Variants in CRPPA observed in about 807,000 individuals in gnomAD.
CRPPA encodes CDP-L-ribitol pyrophosphorylase A.
In CRPPA, 43 loss-of-function variants were observed where a neutral mutation model predicts 52.0. That is an observed-to-expected ratio of 0.83 (90% CI 0.65 to 1.07). The LOEUF is 1.07. CRPPA is among the 50% of genes least tolerant of loss of function. The pLI, the probability that CRPPA is intolerant of heterozygous loss-of-function variation, is 0.00. For missense variants in CRPPA, 629 were observed against 551.7 expected, an observed-to-expected ratio of 1.14 and a Z score of -1.40; for synonymous variants, 250 against 203.5, an observed-to-expected ratio of 1.23 and a Z score of -1.94.
At chr7:16,284,510 C>A (rs1784383042) in intron 5 of CRPPA, among the ~76,000 whole-genome samples, 1 of 152,036 alleles carries the variant, frequency 6.6e-6, no homozygotes, top group African/African-American at 2.4e-5. Flanking sequence ...TGATCAGTTT[C>A]TGACTTCAAA....
At chr7:16,157,884 AT>A (rs1291700760) in intron 9 of CRPPA, among the ~76,000 whole-genome samples, 1 of 134,062 alleles carries the variant, frequency 7.5e-6, no homozygotes, top group Admixed American at 7.3e-5. Flanking sequence ...TTTTTTTTTT[AT>A]TTTTTTTGAG....
chr7:16,197,064 A>C (rs1781754561), intron 9 of CRPPA, among the ~76,000 whole-genome samples: 1 of 152,022 alleles, frequency 6.6e-6, no homozygotes, highest in Non-Finnish European at 1.5e-5. Context: ...CAAACAGAAT[A>C]GGGTAAACAT....
intron 6 of CRPPA, among the ~76,000 whole-genome samples, chr7:16,266,644 A>G (rs1783962137): frequency 6.6e-6 from 1 of 151,718 alleles, no homozygotes; most frequent in Non-Finnish European, 1.5e-5. Context: ...ACGCCTGACT[A>G]ATTTTTGTAT....
At chr7:16,377,946 C>T (rs1786942606) in intron 2 of CRPPA, among the ~76,000 whole-genome samples, 1 of 152,112 alleles carries the variant, frequency 6.6e-6, no homozygotes, top group Non-Finnish European at 1.5e-5. Context: ...CCAGCTCACA[C>T]ATACGGCAGT....
chr7:16,170,407 T>C (rs771886617), intron 9 of CRPPA, among the ~76,000 whole-genome samples: 3 of 152,226 alleles, frequency 2.0e-5, no homozygotes, highest in Non-Finnish European at 4.4e-5. Context: ...CTAGAGTTTA[T>C]TCCTTCTGAT....
intron 5 of CRPPA, among the ~76,000 whole-genome samples, chr7:16,280,584 G>A (rs1251246262): frequency 3.3e-5 from 5 of 152,262 alleles, no homozygotes; most frequent in South Asian, 2.1e-4. Context: ...ATACAAAACA[G>A]CATATGTAGG....
At chr7:16,393,476 C>T (rs543988529) in intron 2 of CRPPA, among the ~76,000 whole-genome samples, 1 of 152,058 alleles carries the variant, frequency 6.6e-6, no homozygotes, top group East Asian at 1.9e-4. Context: ...CAGTGCAGGT[C>T]AGTGGAAAAG....
At position 16,089,248 on chromosome 7, in the gene CRPPA, ATG is replaced by A. The variant is rs754807188; in HGVS notation, c.*2445_*2446del. 5.7e-5 allele frequency: 21 copies of A among 366,164 alleles called. No homozygotes were observed. The highest frequency in any genetic ancestry group is 9.3e-5 in the Non-Finnish European group (16 of 172,920). 22.7% of individuals were successfully genotyped at this position (366,164 alleles called of 1,614,324 possible). On this transcript the variant is annotated 3_prime_UTR_variant, in exon 10 of 10. Coordinates refer to ENST00000407010, the MANE Select transcript of CRPPA (RefSeq NM_001101426.4). ...TGTGTATGCGTACGTATATACATATATGTGTGTATGCGTACGTATATACATAT... is the reference window on the plus strand; with the variant it reads ...TGTGTATGCGTACGTATATACATATATGTGTATGCGTACGTATATACATAT...
chr7:16,096,093 A>C (rs980118419), intron 9 of CRPPA, among the ~76,000 whole-genome samples: 1 of 152,206 alleles, frequency 6.6e-6, no homozygotes, highest in African/African-American at 2.4e-5. Flanking sequence ...GAATCCGACC[A>C]GCCCTAAGAA....
intron 9 of CRPPA, among the ~76,000 whole-genome samples, chr7:16,150,153 T>C (rs1192635970): frequency 1.3e-5 from 2 of 152,172 alleles, no homozygotes; most frequent in South Asian, 2.1e-4. Flanking sequence ...CTTTTATTCT[T>C]ATAATTGAAC....
chr7:16,400,123 C>T (rs954571704), intron 2 of CRPPA, among the ~76,000 whole-genome samples: 13 of 152,012 alleles, frequency 8.6e-5, no homozygotes, highest in African/African-American at 1.7e-4. Flanking sequence ...ATGACCAACA[C>T]GTGACCAACA....
chr7:16,362,312 G>T (rs924422504), intron 3 of CRPPA, among the ~76,000 whole-genome samples: 1 of 152,212 alleles, frequency 6.6e-6, no homozygotes, highest in Non-Finnish European at 1.5e-5. Context: ...TCTGGGGAAA[G>T]CATCTTCTCA....
intron 8 of CRPPA, among the ~76,000 whole-genome samples, chr7:16,244,998 T>G (rs1295164): frequency 0.61 from 93,234 of 151,700 alleles, 28,724 homozygotes; most frequent in East Asian, 0.67. Flanking sequence ...CACACTCCTT[T>G]TGACCATTCT....
intron 5 of CRPPA, among the ~76,000 whole-genome samples, chr7:16,283,522 T>C (rs1001374487): frequency 6.6e-6 from 1 of 150,724 alleles, no homozygotes; most frequent in Non-Finnish European, 1.5e-5. Context: ...ACTATCTATG[T>C]GTATATATAT....
Position 16,090,368 on chromosome 7 carries a change from A to C in CRPPA, c.*1327T>G, listed in dbSNP as rs1395161117. 1 of 152,046 alleles carries C rather than the reference A, an allele frequency of 6.6e-6. No homozygotes were observed. The highest frequency in any genetic ancestry group is 1.5e-5 in the Non-Finnish European group (1 of 68,004). The allele number at this position is 152,046 out of a possible 1,614,324, so 9.4% of individuals were successfully genotyped here. On this transcript the variant is annotated 3_prime_UTR_variant, in exon 10 of 10. Transcript: ENST00000407010. ...TGAAAACACTTCATGCAACTTTTATAGTTTCCACGTGCAGCCTAAGCCCTA... is the reference window on the plus strand; with the variant it reads ...TGAAAACACTTCATGCAACTTTTATCGTTTCCACGTGCAGCCTAAGCCCTA...
At chr7:16,284,412 A>C (rs976667810) in intron 5 of CRPPA, among the ~76,000 whole-genome samples, 3 of 152,156 alleles carry the variant, frequency 2.0e-5, no homozygotes, top group Admixed American at 6.5e-5. Flanking sequence ...GTACAAGAAA[A>C]CACCTAATAG....
chr7:16,201,139 T>G (rs558596812), intron 9 of CRPPA, among the ~76,000 whole-genome samples: 48 of 152,308 alleles, frequency 3.2e-4, no homozygotes, highest in African/African-American at 1.1e-3. Flanking sequence ...ACCATTTAGT[T>G]TGATTCAATT....
chr7:16,319,746 T>G (rs2128427096), intron 3 of CRPPA, among the ~76,000 whole-genome samples: 1 of 152,272 alleles, frequency 6.6e-6, no homozygotes, highest in African/African-American at 2.4e-5. Flanking sequence ...TGGTTGTTAG[T>G]CACTGTTTCT....
At chr7:16,114,886 A>G (rs1223099098) in intron 9 of CRPPA, among the ~76,000 whole-genome samples, 1 of 152,126 alleles carries the variant, frequency 6.6e-6, no homozygotes, top group Non-Finnish European at 1.5e-5. Flanking sequence ...TTAATAAGAG[A>G]GAACTTAATA....
Sources: allele counts gnomAD v4.1 joint callset (sites outside exome capture counted in the v4.1 genomes callset), GRCh38; gene constraint gnomAD v4.1.1; transcripts MANE v1.5; gene names NCBI Gene and HGNC (gene_info 2026-07-23, HGNC 2026-07-21).